PHLDB2: variants seen among roughly 807,000 people sequenced by gnomAD.
The protein encoded by PHLDB2 is pleckstrin homology-like domain family B member 2.
A neutral mutation model predicts 123.6 loss-of-function variants in PHLDB2; 71 were observed. That is an observed-to-expected ratio of 0.57 (90% CI 0.47 to 0.70). The LOEUF (loss-of-function observed/expected upper bound fraction) is 0.70. Ranked by LOEUF, PHLDB2 falls within the 30% of genes least tolerant of loss-of-function variation. The pLI, the probability that PHLDB2 is intolerant of heterozygous loss-of-function variation, is 0.00. For synonymous variants in PHLDB2, 547 were observed against 541.6 expected, an observed-to-expected ratio of 1.01 and a Z score of -0.14; for missense variants, 1,446 against 1,519.5, an observed-to-expected ratio of 0.95 and a Z score of 0.80.
chr3:111,924,665 T>C (rs144305782), intron 5 of PHLDB2, among the ~76,000 whole-genome samples: 172 of 152,298 alleles, frequency 1.1e-3, no homozygotes, highest in Middle Eastern at 0.01. Flanking sequence ...ATATAAACCA[T>C]GGAATGAGAA....
chr3:111,736,278 T>C (rs936841569), intron 1 of PHLDB2, among the ~76,000 whole-genome samples: 3 of 152,244 alleles, frequency 2.0e-5, no homozygotes, highest in Non-Finnish European at 4.4e-5. Context: ...TTTAACATAA[T>C]GTACAAGACA....
chr3:111,802,436 C>T (rs2061413054), intron 1 of PHLDB2, among the ~76,000 whole-genome samples: 1 of 152,178 alleles, frequency 6.6e-6, no homozygotes, highest in African/African-American at 2.4e-5. Flanking sequence ...GTTGAGAAAC[C>T]AAAATAACTA....
rs117055057 is a variant in PHLDB2, at chr3:111,816,898, G to A, written c.-48-28923G>A. 7.3e-4 allele frequency among the ~76,000 whole-genome samples: 111 copies of A among 152,298 alleles called. 1 individual carries two copies. In the East Asian group the frequency reaches 0.018, roughly 25 times the overall value. On this transcript the variant is annotated intron_variant, in intron 1 of 17. Transcript: ENST00000393923. ...ACCCAGTGGGAGGTGATTGAATTAT[G>A]GGGGTGAGTCTTTCCTGCAGTGTTC...
intron 1 of PHLDB2, among the ~76,000 whole-genome samples, chr3:111,765,854 T>A (rs2060070356): frequency 6.6e-6 from 1 of 151,894 alleles, no homozygotes; most frequent in Non-Finnish European, 1.5e-5. Context: ...GTAGATTTAC[T>A]TTAACATTTC....
At chr3:111,738,875 G>A (rs1387231744) in intron 1 of PHLDB2, among the ~76,000 whole-genome samples, 1 of 152,078 alleles carries the variant, frequency 6.6e-6, no homozygotes, top group African/African-American at 2.4e-5. Context: ...GGCATCAAGG[G>A]TCTACTTGCT....
In PHLDB2 at chr3:111,885,135, A is replaced by T. The variant is rs776210453; in HGVS notation, c.1058A>T (p.Asp353Val). Reference protein sequence around the residue: ...LASTSSCASDDFDQASYVGTN... With the variant: ...LASTSSCASDVFDQASYVGTN... ...TCCACCTCCTCCTGTGCCTCTGATGACTTTGATCAGGCTTCATATGTGGGG... is the reference window on the plus strand; with the variant it reads ...TCCACCTCCTCCTGTGCCTCTGATGTCTTTGATCAGGCTTCATATGTGGGG... The change falls in exon 2 of 18, where the codon GAC (aspartate) becomes GTC (valine). Residue 353 changes from aspartate to valine, a missense_variant. Asp to Val is a radical substitution (Grantham distance 152). Transcript: ENST00000431670. 2.7e-5 allele frequency: 44 copies of T among 1,614,024 alleles called. No individual in the cohort carries two copies. Among genetic ancestry groups the T allele is most frequent in the Non-Finnish European group, 3.6e-5 (43 of 1,180,000 alleles).
chr3:111,954,382 G>A (rs137946447), intron 12 of PHLDB2, among the ~76,000 whole-genome samples: 2 of 152,298 alleles, frequency 1.3e-5, no homozygotes, highest in Admixed American at 1.3e-4. Context: ...CCTGGGTTGT[G>A]TCTGAGCCAC....
chr3:111,942,833 T>A (rs995398570), intron 8 of PHLDB2, among the ~76,000 whole-genome samples: 14 of 149,262 alleles, frequency 9.4e-5, no homozygotes, highest in Non-Finnish European at 1.6e-4. Flanking sequence ...TATAATATGT[T>A]AATATTAATA....
At chr3:111,969,283 A>T (rs1302216132) in intron 15 of PHLDB2, among the ~76,000 whole-genome samples, 1 of 152,218 alleles carries the variant, frequency 6.6e-6, no homozygotes, top group African/African-American at 2.4e-5. Context: ...ATTACTTGAG[A>T]ATGATTGTTA....
chr3:111,935,093 A>ATTTTTTTTTTTTTTTTTTTTTTTTTT (rs34291565), intron 6 of PHLDB2, among the ~76,000 whole-genome samples: 3 of 75,168 alleles, frequency 4.0e-5, no homozygotes, highest in Non-Finnish European at 5.0e-5. Context: ...TGGTATCTTG[A>ATTTTTTTTTTTTTTTTTTTTTTTTTT]TTTTTTTTTT....
At chr3:111,869,703 C>T (rs949441847) in intron 1 of PHLDB2, among the ~76,000 whole-genome samples, 1 of 45,530 alleles carries the variant, frequency 2.2e-5, no homozygotes, top group Non-Finnish European at 6.5e-5. Context: ...GTGTGTCTGT[C>T]TCTGTGTGTG....
At chr3:111,740,047 G>A (rs1449075758) in intron 1 of PHLDB2, among the ~76,000 whole-genome samples, 1 of 152,032 alleles carries the variant, frequency 6.6e-6, no homozygotes, top group Admixed American at 6.6e-5. Context: ...CTATGATACT[G>A]TATGAGAGAA....
At chr3:111,736,703 A>T (rs1195241822) in intron 1 of PHLDB2, among the ~76,000 whole-genome samples, 1 of 152,192 alleles carries the variant, frequency 6.6e-6, no homozygotes, top group Non-Finnish European at 1.5e-5. Flanking sequence ...TCAAATATTG[A>T]TTGCTTTGCT....
At chr3:111,815,018 C>T (rs1287380836) in intron 1 of PHLDB2, among the ~76,000 whole-genome samples, 3 of 152,116 alleles carry the variant, frequency 2.0e-5, no homozygotes, top group African/African-American at 7.2e-5. Flanking sequence ...ATGAGTCTCA[C>T]GAGAGCTGGT....
chr3:111,771,596 C>T (rs2060178171), intron 1 of PHLDB2, among the ~76,000 whole-genome samples: 1 of 152,204 alleles, frequency 6.6e-6, no homozygotes, highest in African/African-American at 2.4e-5. Flanking sequence ...CTGCCTCAGC[C>T]TCCCAAAGTT....
At chr3:111,844,195 C>T (rs1202291480) in intron 1 of PHLDB2, among the ~76,000 whole-genome samples, 1 of 152,172 alleles carries the variant, frequency 6.6e-6, no homozygotes, top group Non-Finnish European at 1.5e-5. Context: ...TAACATCTCT[C>T]TCAGCCTATG....
intron 1 of PHLDB2, among the ~76,000 whole-genome samples, chr3:111,811,659 C>A (rs2061843482): frequency 6.6e-6 from 1 of 152,110 alleles, no homozygotes; most frequent in Non-Finnish European, 1.5e-5. Context: ...CACACATACA[C>A]ACACACGAAA....
intron 16 of PHLDB2, among the ~76,000 whole-genome samples, chr3:111,972,020 T>C (rs1353619741): frequency 1.3e-5 from 2 of 152,244 alleles, no homozygotes; most frequent in Non-Finnish European, 1.5e-5. Context: ...TCGCTCATAA[T>C]GTGGCTGTGA....
intron 1 of PHLDB2, among the ~76,000 whole-genome samples, chr3:111,839,940 CTTT>C (rs3082317): frequency 0.016 from 1,026 of 64,760 alleles, 3 homozygotes; most frequent in Admixed American, 0.06. Flanking sequence ...CCCACCCCCG[CTTT>C]TTTTTTTTTT....
Sources: gnomAD v4.1 joint callset for allele counts (sites outside exome capture counted in the v4.1 genomes callset) on GRCh38, gnomAD v4.1.1 for gene constraint, MANE v1.5 for transcripts, NCBI Gene and HGNC (gene_info 2026-07-23, HGNC 2026-07-21) for gene names.